Variants in DNAI3 observed in about 807,000 individuals in gnomAD.
The protein encoded by DNAI3 is dynein axonemal intermediate chain 3.
Under a neutral mutation model 115.5 loss-of-function variants are expected in DNAI3, and 83 were observed. The ratio of observed to expected loss-of-function variants is 0.72; its 90% confidence interval spans 0.60 to 0.86. DNAI3 has a LOEUF of 0.86. Ranked by LOEUF, DNAI3 falls within the 40% of genes least tolerant of loss-of-function variation. DNAI3 has a pLI of 0.00. For missense variants in DNAI3, 1,004 were observed against 1,075.8 expected (o/e 0.93, Z 0.93); for synonymous variants, 320 against 347.0 (o/e 0.92, Z 0.86).
chr1:85,095,659 ATAAC>A (rs1369773837), intron 10 of DNAI3, among the ~76,000 whole-genome samples: 1 of 152,172 alleles, frequency 6.6e-6, no homozygotes, highest in Non-Finnish European at 1.5e-5. Flanking sequence ...TGCTCCCAAA[ATAAC>A]TACAATTTGT....
At chr1:85,094,334 T>C in intron 9 of DNAI3, 97 bp from the exon 10 acceptor site, 1 of 1,510,290 alleles carries the variant, frequency 6.6e-7, no homozygotes, top group South Asian at 1.3e-5. Context: ...GTGGACAAAG[T>C]GTAAATGAAG....
At chr1:85,109,939 G>A (rs1312815188) in intron 15 of DNAI3, 109 bp from the exon 16 acceptor site, 35 of 968,544 alleles carry the variant, frequency 3.6e-5, no homozygotes, top group Middle Eastern at 4.5e-4. Context: ...GAAAAAAAAG[G>A]AGGTGGGTTT....
At chr1:85,098,948 A>T (rs1350007333) in intron 13 of DNAI3, among the ~76,000 whole-genome samples, 1 of 152,214 alleles carries the variant, frequency 6.6e-6, no homozygotes, top group African/African-American at 2.4e-5. Flanking sequence ...AATGAACTGC[A>T]AATATTTTAC....
Position 85,103,125 on chromosome 1 carries a change from C to G in DNAI3, c.1480-1399C>G, listed in dbSNP as rs571735921. On this transcript the variant is annotated intron_variant, in intron 13 of 22. Coordinates refer to ENST00000294664, the MANE Select transcript of DNAI3 (RefSeq NM_145172.5). ...TATACCTTCCCCACCCCTGTTTTCACCTAACTTCATTTGCTGCTAGAAGCC... is the reference window on the plus strand; with the variant it reads ...TATACCTTCCCCACCCCTGTTTTCAGCTAACTTCATTTGCTGCTAGAAGCC... 4.8e-4 allele frequency among the ~76,000 whole-genome samples: 73 copies of G among 152,282 alleles called. 1 individual carries two copies. The highest frequency in any genetic ancestry group is 5.8e-4 in the East Asian group (3 of 5,174).
chr1:85,130,436 G>A (rs927943425), intron 22 of DNAI3, among the ~76,000 whole-genome samples: 2 of 152,128 alleles, frequency 1.3e-5, no homozygotes, highest in African/African-American at 4.8e-5. Context: ...GGTGCAAAAA[G>A]AGTTGAATAT....
Position 85,130,093 on chromosome 1 carries a change from A to G in DNAI3, c.2513A>G (p.Glu838Gly). The G allele has an allele frequency of 6.2e-7, 1 of 1,613,846 alleles. No individual in the cohort carries two copies. Among genetic ancestry groups the G allele is most frequent in the Non-Finnish European group, 8.5e-7 (1 of 1,179,838 alleles). ...REQEKKEMEL[E>G]MAKKKVKTYQ... ...CAAGAAAAGAAAGAAATGGAACTAG[A>G]AATGGCAAAGAAAAAAGTTGTAAGT... The change falls in exon 22 of 23, where the codon GAA becomes GGA. Residue 838 changes from glutamate (E) to glycine (G), a missense_variant. Physicochemically the swap from Glu to Gly is moderately conservative, Grantham distance 98 (BLOSUM62 -2). This residue lies in a region of DNAI3 where 429 missense variants were observed against 454.3 expected (regional missense o/e 0.94). Transcript: ENST00000294664.
chr1:85,104,611 C>G lies in DNAI3; in HGVS notation c.1553+14C>G, dbSNP rs1220644491. 5.6e-6 allele frequency: 9 copies of G among 1,611,032 alleles called. No individual in the cohort carries two copies. In the South Asian group the frequency reaches 9.9e-5, roughly 18 times the overall value. On this transcript the variant is annotated intron_variant, in intron 14 of 22. Coordinates refer to ENST00000294664, the MANE Select transcript of DNAI3 (RefSeq NM_145172.5). ...TTCAGCAGATTGGTAAGTCTTGTTT[C>G]AAACATTTCCTAATGTGTTTTCATA... is the stretch of plus-strand genomic sequence containing the variant.
intron 19 of DNAI3, 30 bp from the exon 20 acceptor site, chr1:85,126,481 T>C (rs1327518135): frequency 2.5e-6 from 4 of 1,588,354 alleles, no homozygotes; most frequent in Non-Finnish European, 3.4e-6. Context: ...AAAATCTTCT[T>C]TATTTGTCTT....
At chr1:85,132,812 AT>A (rs765830711) in intron 22 of DNAI3, 42 bp from the exon 23 acceptor site, 1 of 1,595,010 alleles carries the variant, frequency 6.3e-7, no homozygotes, top group South Asian at 1.1e-5. Context: ...ATTTTTAGAT[AT>A]CAGTGTTTTA....
intron 3 of DNAI3, among the ~76,000 whole-genome samples, chr1:85,075,894 A>G (rs1654436766): frequency 6.6e-6 from 1 of 152,234 alleles, no homozygotes; most frequent in South Asian, 2.1e-4. Flanking sequence ...TTAGTGGTAT[A>G]TGAGTTGCCT....
chr1:85,064,775 G>A lies in DNAI3; in HGVS notation c.-15+2289G>A, dbSNP rs551983940. Among the ~76,000 whole-genome samples the A allele has an allele frequency of 2.7e-3, 405 of 152,044 alleles. 1 individual carries two copies. The Middle Eastern group carries it at 0.031, about 11-fold the overall frequency. On this transcript the variant is annotated intron_variant, in intron 1 of 22. Transcript: ENST00000294664. ...AAGCTGGGTGCAGTGACTCACGCCT[G>A]TAATCCCAGCACTTTGGGAGGCCGA...
intron 3 of DNAI3, among the ~76,000 whole-genome samples, chr1:85,078,774 G>A (rs892819787): frequency 1.3e-5 from 2 of 152,234 alleles, no homozygotes; most frequent in Non-Finnish European, 2.9e-5. Flanking sequence ...TTGGCTGCCA[G>A]TTATCTGCAG....
intron 2 of DNAI3, 70 bp downstream of exon 2, chr1:85,072,075 T>G: frequency 7.1e-7 from 1 of 1,414,328 alleles, no homozygotes; most frequent in Non-Finnish European, 9.7e-7. Flanking sequence ...GCAAAATGAT[T>G]ATGGTTTTAC....
chr1:85,128,125 C>CAAAAAAAAAAAAA (rs11344833), intron 20 of DNAI3, among the ~76,000 whole-genome samples: 12 of 64,394 alleles, frequency 1.9e-4, no homozygotes, highest in Admixed American at 2.3e-4. Flanking sequence ...GACCCTGTCT[C>CAAAAAAAAAAAAA]AAAAAAAAAA....
chr1:85,086,886 T>C (rs1298599159), intron 7 of DNAI3, among the ~76,000 whole-genome samples: 1 of 151,970 alleles, frequency 6.6e-6, no homozygotes, highest in Non-Finnish European at 1.5e-5. Context: ...AACCTTCCAA[T>C]GGCCTGTCAT....
intron 6 of DNAI3, 67 bp downstream of exon 6, chr1:85,084,762 G>A (rs906713283): frequency 5.4e-6 from 7 of 1,301,148 alleles, no homozygotes; most frequent in Non-Finnish European, 6.9e-6. Flanking sequence ...ATTCCTGAGG[G>A]ATTCATAAGG....
chr1:85,113,053 G>A (rs1219294370), intron 16 of DNAI3, among the ~76,000 whole-genome samples: 1 of 152,208 alleles, frequency 6.6e-6, no homozygotes, highest in East Asian at 1.9e-4. Context: ...ATGGATGTGA[G>A]CCACCACATC....
intron 13 of DNAI3, among the ~76,000 whole-genome samples, chr1:85,100,913 A>T (rs1195936715): frequency 1.3e-5 from 2 of 151,962 alleles, no homozygotes; most frequent in African/African-American, 4.8e-5. Context: ...CATAGGTGGG[A>T]ATTGAACAAT....
At chr1:85,129,355 C>T (rs923042483) in intron 21 of DNAI3, among the ~76,000 whole-genome samples, 1 of 152,182 alleles carries the variant, frequency 6.6e-6, no homozygotes, top group Non-Finnish European at 1.5e-5. Context: ...AGATTGCAGT[C>T]TGCTGCAAGT....
Sources: allele counts gnomAD v4.1 joint callset (sites outside exome capture counted in the v4.1 genomes callset), GRCh38; gene constraint gnomAD v4.1.1; regional missense constraint gnomAD v4.1.1; transcripts MANE v1.5; gene names NCBI Gene and HGNC (gene_info 2026-07-23, HGNC 2026-07-21).